The following ADARB1 variants were observed in gnomAD, a reference collection of about 807,000 sequenced individuals.
ADARB1 encodes double-stranded RNA-specific editase 1.
Under a neutral mutation model 52.4 loss-of-function variants are expected in ADARB1, and 10 were observed. The ratio of observed to expected loss-of-function variants is 0.19; its 90% CI spans 0.12 to 0.32. The LOEUF (loss-of-function observed/expected upper bound fraction) is 0.32, where lower values mean the gene tolerates loss of function less well. Ranked by LOEUF, ADARB1 falls within the 10% of genes least tolerant of loss-of-function variation. The pLI is 1.00. For missense variants in ADARB1, 643 were observed against 922.3 expected, an observed-to-expected ratio of 0.70 and a Z score of 3.92; for synonymous variants, 349 against 371.1, an observed-to-expected ratio of 0.94 and a Z score of 0.68.
chr21:45,131,088 C>T (rs2088903532), intron 2 of ADARB1, among the ~76,000 whole-genome samples: 1 of 152,028 alleles, frequency 6.6e-6, no homozygotes, highest in Non-Finnish European at 1.5e-5. Flanking sequence ...ATAATTATAG[C>T]CATATAATGT....
At chr21:45,077,093 C>T (rs1341395453) in intron 1 of ADARB1, among the ~76,000 whole-genome samples, 1 of 152,132 alleles carries the variant, frequency 6.6e-6, no homozygotes, top group Non-Finnish European at 1.5e-5. Flanking sequence ...ATATGACAAA[C>T]CTTGCTATAG....
intron 2 of ADARB1, among the ~76,000 whole-genome samples, chr21:45,164,174 C>T (rs962506416): frequency 3.9e-5 from 6 of 152,114 alleles, no homozygotes; most frequent in African/African-American, 7.2e-5. Context: ...GATGTGTAGG[C>T]GTCTCAGGGA....
chr21:45,168,655 T>G (rs1297235755), intron 2 of ADARB1, among the ~76,000 whole-genome samples: 1 of 152,224 alleles, frequency 6.6e-6, no homozygotes, highest in East Asian at 1.9e-4. Flanking sequence ...TGTGATCTGC[T>G]CGTCTGCCCC....
chr21:45,161,370 T>C (rs1007516378), intron 2 of ADARB1, among the ~76,000 whole-genome samples: 3 of 152,196 alleles, frequency 2.0e-5, no homozygotes. Flanking sequence ...CTGCTCCCAC[T>C]GCTTGGTCTG....
chr21:45,182,806 C>A, intron 6 of ADARB1, 53 bp downstream of exon 6: 1 of 1,440,866 alleles, frequency 6.9e-7, no homozygotes, highest in Non-Finnish European at 9.3e-7. Flanking sequence ...AAATATTCCT[C>A]TATTAGAAAA....
intron 2 of ADARB1, among the ~76,000 whole-genome samples, chr21:45,164,537 C>T (rs414715): frequency 1.5e-5 from 2 of 131,194 alleles, no homozygotes; most frequent in Admixed American, 8.0e-5. Context: ...GGAGAGGGAG[C>T]GGGGCGGTGG....
At chr21:45,198,430 G>T (rs897175508) in intron 8 of ADARB1, among the ~76,000 whole-genome samples, 1 of 152,000 alleles carries the variant, frequency 6.6e-6, no homozygotes, top group Non-Finnish European at 1.5e-5. Flanking sequence ...CTAGAAAAGT[G>T]TACATTGCTA....
In ADARB1 at chr21:45,128,133, G is replaced by A. The variant is rs538808142; in HGVS notation, c.-219-269G>A. Among the ~76,000 whole-genome samples the A allele has an allele frequency of 4.4e-4, 67 of 152,330 alleles. 1 individual carries two copies. The South Asian group carries it at 0.013, about 30-fold the overall frequency. On this transcript the variant is annotated intron_variant, in intron 1 of 10. Coordinates refer to ENST00000348831, the MANE Select transcript of ADARB1 (RefSeq NM_001112.4). This position sits in a 1 kb window ranked among gnomAD's most constrained non-coding sequence, Gnocchi z 4.6. ...AGTCCTCAGTGTGTGGCCTGGTGCC[G>A]CTGATGCCGAGATGTTGGGCTGGCA...
chr21:45,077,008 C>T (rs545770308), intron 1 of ADARB1, among the ~76,000 whole-genome samples: 9 of 152,212 alleles, frequency 5.9e-5, no homozygotes, highest in Non-Finnish European at 1.2e-4. Flanking sequence ...CATCCCTGGG[C>T]ACTTGGTTCA....
intron 2 of ADARB1, among the ~76,000 whole-genome samples, chr21:45,148,843 C>G (rs937930848): frequency 1.3e-5 from 2 of 152,240 alleles, no homozygotes; most frequent in Admixed American, 6.5e-5. Flanking sequence ...TCCCCAGCTT[C>G]TCTCTCCACC....
chr21:45,097,465 A>G (rs1389330506), intron 1 of ADARB1, among the ~76,000 whole-genome samples: 1 of 151,410 alleles, frequency 6.6e-6, no homozygotes, highest in Non-Finnish European at 1.5e-5. Flanking sequence ...GGAGGTGGGA[A>G]GCCATTGTGG....
In ADARB1 at chr21:45,208,870, C is replaced by A. The variant is rs536797136; in HGVS notation, c.1747+4134C>A. 6.6e-6 allele frequency among the ~76,000 whole-genome samples: 1 copy of A among 152,080 alleles called. No homozygotes were observed. The highest frequency in any genetic ancestry group is 2.4e-5 in the African/African-American group (1 of 41,416). On this transcript the variant is annotated intron_variant, in intron 9 of 10. Transcript: ENST00000348831. The surrounding 1 kb of genome is among the most constrained non-coding windows in gnomAD (Gnocchi z 5.6). Reference sequence around the variant, plus strand: ...TGCCATGAGTCATTGTAGAAGAGAACGACCACCAAGCTTGGCTCCAAGTAC... The same window carrying A: ...TGCCATGAGTCATTGTAGAAGAGAAAGACCACCAAGCTTGGCTCCAAGTAC...
intron 1 of ADARB1, among the ~76,000 whole-genome samples, chr21:45,114,139 G>A (rs896379215): frequency 1.3e-5 from 2 of 152,130 alleles, no homozygotes; most frequent in Non-Finnish European, 2.9e-5. Context: ...GATATTAGGC[G>A]GTGGCTTACA....
chr21:45,219,403 A>G (rs1252622016), intron 9 of ADARB1, among the ~76,000 whole-genome samples: 2 of 152,192 alleles, frequency 1.3e-5, no homozygotes, highest in Non-Finnish European at 2.9e-5. Context: ...ACGCGCCTGT[A>G]GTCCCAGGTA....
rs144113633 is a variant in ADARB1, at chr21:45,157,523, G to A, written c.-47-14087G>A. ...CGAAGGCAGGGCCCTGTGAAGGTTT[G>A]TGCTCTCGTGTGCCGGCTCTGACCT... On this transcript the variant is annotated intron_variant, in intron 2 of 10. Coordinates refer to ENST00000348831, the MANE Select transcript of ADARB1 (RefSeq NM_001112.4). The surrounding 1 kb of genome is among the most constrained non-coding windows in gnomAD (Gnocchi z 4.1). Among the ~76,000 whole-genome samples the A allele has an allele frequency of 9.2e-5, 14 of 152,262 alleles. No individual in the cohort carries two copies. Among genetic ancestry groups the A allele is most frequent in the Non-Finnish European group, 1.9e-4 (13 of 68,026 alleles).
chr21:45,094,756 A>G (rs761169960), intron 1 of ADARB1, among the ~76,000 whole-genome samples: 1 of 152,056 alleles, frequency 6.6e-6, no homozygotes. Flanking sequence ...CAAATGAGAC[A>G]TGGTCCTTGC....
intron 8 of ADARB1, among the ~76,000 whole-genome samples, chr21:45,193,906 G>T (rs1036618179): frequency 6.6e-6 from 1 of 152,210 alleles, no homozygotes; most frequent in African/African-American, 2.4e-5. Context: ...GTTTTCACCA[G>T]ATTGATCTAT....
chr21:45,100,325 G>T (rs2086945008), intron 1 of ADARB1, among the ~76,000 whole-genome samples: 1 of 152,166 alleles, frequency 6.6e-6, no homozygotes, highest in Non-Finnish European at 1.5e-5. Context: ...GCCCCCGTCA[G>T]TCACTGTTCC....
intron 1 of ADARB1, among the ~76,000 whole-genome samples, chr21:45,106,566 G>A (rs545791688): frequency 6.6e-6 from 1 of 152,284 alleles, no homozygotes; most frequent in African/African-American, 2.4e-5. Flanking sequence ...TTACTCTCCG[G>A]ATGAGTGACT....
Sources: allele counts gnomAD v4.1 joint callset (sites outside exome capture counted in the v4.1 genomes callset), GRCh38; gene constraint gnomAD v4.1.1; non-coding constraint Gnocchi (gnomAD v3.1); transcripts MANE v1.5; gene names NCBI Gene and HGNC (gene_info 2026-07-23, HGNC 2026-07-21).